MEGF11: variants seen among roughly 807,000 people sequenced by gnomAD.
MEGF11 encodes the protein multiple EGF like domains 11.
A neutral mutation model predicts 146.6 loss-of-function variants in MEGF11; 126 were observed. The observed-to-expected ratio is 0.86, with a 90% CI of 0.74 to 1.00. MEGF11 has a LOEUF of 1.00. MEGF11 is among the 50% of genes least tolerant of loss of function. The pLI is 0.00. For missense variants in MEGF11, 1,509 were observed against 1,521.2 expected (o/e 0.99, Z 0.13); for synonymous variants, 532 against 583.4 (o/e 0.91, Z 1.27).
Position 65,964,970 on chromosome 15 carries a change from C to T in MEGF11, c.1050G>A (p.Pro350=), listed in dbSNP as rs373613930. ...TGCAGCCTGGGCCATGCAGGCCCTC[C>T]GGGCACAGTCGCTCCTGGCAGCGTG... ...KGPRCQERLC[P]EGLHGPGCTL... Residue 350 remains proline (P), a synonymous_variant, in exon 9 of 26, where the codon CCG becomes CCA. Coordinates refer to ENST00000395614, the MANE Select transcript of MEGF11 (RefSeq NM_001385028.1). The T allele has an allele frequency of 2.0e-5, 31 of 1,569,894 alleles. No individual in the cohort carries two copies. Among genetic ancestry groups the T allele is most frequent in the Admixed American group, 1.3e-4 (7 of 53,810 alleles).
Position 65,963,913 on chromosome 15 carries a change from T to G in MEGF11, c.1112+995A>C, listed in dbSNP as rs571827972. ...CCTGGAAATGAAGAGGGGCCCAGGC[T>G]AAGTCCTGGCCGTCCCAGCGACAGG... On this transcript the variant is annotated intron_variant, in intron 9 of 25. Coordinates refer to ENST00000395614, the MANE Select transcript of MEGF11 (RefSeq NM_001385028.1). 2.0e-5 allele frequency among the ~76,000 whole-genome samples: 3 copies of G among 152,322 alleles called. No individual in the cohort carries two copies. The East Asian group carries it at 5.8e-4, about 29-fold the overall frequency.
intron 10 of MEGF11, among the ~76,000 whole-genome samples, chr15:65,942,019 A>G (rs572130304): frequency 1.6e-4 from 24 of 152,050 alleles, no homozygotes; most frequent in African/African-American, 5.8e-4. Flanking sequence ...CTTTTGTTCT[A>G]TAACAGCCCT....
At chr15:65,985,907 G>A (rs181719854) in intron 5 of MEGF11, among the ~76,000 whole-genome samples, 5 of 151,762 alleles carry the variant, frequency 3.3e-5, no homozygotes, top group African/African-American at 1.2e-4. Context: ...ACACAGACTG[G>A]CATGTGAGTG....
chr15:65,965,115 T>C lies in MEGF11; in HGVS notation c.905A>G (p.Gln302Arg). The change falls in exon 9 of 26, where the codon CAA (glutamine) becomes CGA (arginine). Residue 302 changes from glutamine (Q) to arginine (R), a missense_variant. Physicochemically the swap from Gln to Arg is conservative, Grantham distance 43. Coordinates refer to ENST00000395614, the MANE Select transcript of MEGF11 (RefSeq NM_001385028.1). ...CTAGYMGDRC[Q>R]EECPFGSFGF... ...GAAGGACCCGAAGGGGCACTCCTCT[T>C]GGCACCTGTGGGAGAGCAGAGTGGG... The C allele has an allele frequency of 1.9e-6, 3 of 1,587,178 alleles. No homozygotes were observed. Among genetic ancestry groups the C allele is most frequent in the Non-Finnish European group, 2.6e-6 (3 of 1,163,900 alleles).
chr15:66,090,162 C>T (rs545256823), intron 5 of MEGF11, among the ~76,000 whole-genome samples: 19 of 152,274 alleles, frequency 1.2e-4, no homozygotes, highest in African/African-American at 3.1e-4. Flanking sequence ...CACCCAACCC[C>T]GGTACTACAT....
chr15:66,003,939 A>G (rs998110058), intron 5 of MEGF11, among the ~76,000 whole-genome samples: 4 of 152,222 alleles, frequency 2.6e-5, no homozygotes, highest in African/African-American at 9.6e-5. Context: ...AGGCAAGTCC[A>G]TTTGATTTCC....
intron 5 of MEGF11, among the ~76,000 whole-genome samples, chr15:66,005,719 C>T (rs531440045): frequency 1.3e-5 from 2 of 152,148 alleles, no homozygotes; most frequent in African/African-American, 4.8e-5. Context: ...GATGTCACAG[C>T]GTTCATACTC....
At chr15:66,211,820 C>T (rs2091463132) in intron 1 of MEGF11, among the ~76,000 whole-genome samples, 1 of 151,908 alleles carries the variant, frequency 6.6e-6, no homozygotes, top group South Asian at 2.1e-4. Flanking sequence ...AAATGCTACG[C>T]TAAGGCTCAT....
intron 9 of MEGF11, among the ~76,000 whole-genome samples, chr15:65,963,011 G>A (rs773541705): frequency 2.6e-5 from 4 of 152,224 alleles, no homozygotes; most frequent in Non-Finnish European, 4.4e-5. Flanking sequence ...TCCTTCAGAG[G>A]AAGGATGAAT....
At chr15:66,060,136 G>A (rs948392939) in intron 5 of MEGF11, among the ~76,000 whole-genome samples, 1 of 151,900 alleles carries the variant, frequency 6.6e-6, no homozygotes, top group Non-Finnish European at 1.5e-5. Flanking sequence ...GATGGGGCCC[G>A]GGACCGGAGA....
At chr15:66,149,846 G>C (rs1204779534) in intron 1 of MEGF11, among the ~76,000 whole-genome samples, 1 of 152,234 alleles carries the variant, frequency 6.6e-6, no homozygotes, top group Non-Finnish European at 1.5e-5. Flanking sequence ...AGACACTCCT[G>C]ATGATGGCCA....
chr15:66,213,894 C>T (rs1401426288), intron 1 of MEGF11, among the ~76,000 whole-genome samples: 1 of 152,084 alleles, frequency 6.6e-6, no homozygotes, highest in Non-Finnish European at 1.5e-5. Context: ...CAATGACTAT[C>T]CCCTGGAACT....
intron 5 of MEGF11, among the ~76,000 whole-genome samples, chr15:66,038,375 A>G (rs1209844292): frequency 6.6e-6 from 1 of 151,972 alleles, no homozygotes; most frequent in Non-Finnish European, 1.5e-5. Flanking sequence ...CTGAGCCTCC[A>G]TTTTCTCCTT....
In MEGF11 at chr15:66,076,214, AT is replaced by A; in HGVS notation, c.394+18187del. Among the ~76,000 whole-genome samples, 3 of 148,450 alleles carry A rather than the reference AT, an allele frequency of 2.0e-5. 1 individual carries two copies. In the South Asian group the frequency reaches 6.4e-4, roughly 32 times the overall value. On this transcript the variant is annotated intron_variant, in intron 5 of 25. Coordinates refer to ENST00000395614, the MANE Select transcript of MEGF11 (RefSeq NM_001385028.1). ...TTGGACTGACAGACAGGATGGATGG[AT>A]GGATGGATGGATGGATGGATGGATG...
At chr15:66,131,060 G>T (rs2088627023) in intron 1 of MEGF11, among the ~76,000 whole-genome samples, 1 of 152,232 alleles carries the variant, frequency 6.6e-6, no homozygotes, top group Non-Finnish European at 1.5e-5. Context: ...CATGTAAATA[G>T]ATCTGCTGGT....
chr15:66,170,526 A>G (rs1354291742), intron 1 of MEGF11, among the ~76,000 whole-genome samples: 1 of 152,226 alleles, frequency 6.6e-6, no homozygotes, highest in Non-Finnish European at 1.5e-5. Context: ...AGGGCATGCC[A>G]TGTGACCTCT....
chr15:66,119,073 A>C lies in MEGF11; in HGVS notation c.301+13T>G. ...TCCCCACTGAGGGCAGAACAGCAGC[A>C]GCCCCTACATACGTATGCAGAAGTC... On this transcript the variant is annotated intron_variant, in intron 4 of 25. Transcript: ENST00000395614. The C allele has an allele frequency of 6.6e-7, 1 of 1,524,810 alleles. No homozygotes were observed. Among genetic ancestry groups the C allele is most frequent in the South Asian group, 1.2e-5 (1 of 83,352 alleles). 94.5% of individuals were successfully genotyped at this position (1,524,810 alleles called of 1,614,324 possible).
At chr15:66,114,980 T>A (rs1389838503) in intron 4 of MEGF11, among the ~76,000 whole-genome samples, 1 of 152,202 alleles carries the variant, frequency 6.6e-6, no homozygotes, top group East Asian at 1.9e-4. Flanking sequence ...GTCCGTCCTA[T>A]GTCACCGCTG....
At chr15:66,231,805 G>C (rs572127004) in intron 1 of MEGF11, among the ~76,000 whole-genome samples, 12 of 152,298 alleles carry the variant, frequency 7.9e-5, no homozygotes, top group African/African-American at 2.6e-4. Context: ...TCATGGAAGA[G>C]CAAGTAAGAG....
Sources: gnomAD v4.1 joint callset for allele counts (sites outside exome capture counted in the v4.1 genomes callset) on GRCh38, gnomAD v4.1.1 for gene constraint, MANE v1.5 for transcripts, NCBI Gene and HGNC (gene_info 2026-07-23, HGNC 2026-07-21) for gene names.